PAG1: variants seen among roughly 807,000 people sequenced by gnomAD.
PAG1 encodes phosphoprotein associated with glycosphingolipid-enriched microdomains 1.
A neutral mutation model predicts 31.7 loss-of-function variants in PAG1; 23 were observed. The ratio of observed to expected loss-of-function variants is 0.73; its 90% CI spans 0.52 to 1.03. The LOEUF is 1.03. Among genes scored for constraint, PAG1 ranks in the 50% least tolerant of loss-of-function variants. The pLI is 0.00. For missense variants in PAG1, 473 were observed against 540.7 expected (o/e 0.87, Z 1.24); for synonymous variants, 214 against 210.3 (o/e 1.02, Z -0.15).
Position 80,968,479 on chromosome 8 carries a change from T to C in PAG1, c.*8065A>G, listed in dbSNP as rs1244995585. 1 of 152,236 alleles carries C rather than the reference T, an allele frequency of 6.6e-6. No homozygotes were observed. The highest frequency in any genetic ancestry group is 1.5e-5 in the Non-Finnish European group (1 of 68,034). 9.4% of individuals were successfully genotyped at this position (152,236 alleles called of 1,614,324 possible). A position where few individuals can be genotyped will look rare whatever the true frequency, so the allele number is the denominator to read the frequency against. On this transcript the variant is annotated 3_prime_UTR_variant, in exon 9 of 9. Transcript: ENST00000220597. ...ACTTGAGAATTTAATTCAATAACTC[T>C]ACACTTTTCCAATAAATAAAAAAGT...
intron 1 of PAG1, among the ~76,000 whole-genome samples, chr8:81,086,343 TTACTC>T (rs1809356626): frequency 6.6e-6 from 1 of 152,158 alleles, no homozygotes; most frequent in African/African-American, 2.4e-5. Context: ...TAATGAATAT[TTACTC>T]TAAATCAATT....
At chr8:81,007,028 A>G (rs1807891996) in intron 3 of PAG1, among the ~76,000 whole-genome samples, 1 of 152,148 alleles carries the variant, frequency 6.6e-6, no homozygotes, top group African/African-American at 2.4e-5. Context: ...AACAAATATC[A>G]CAGTATGGCT....
At chr8:81,045,022 T>C (rs972967193) in intron 2 of PAG1, among the ~76,000 whole-genome samples, 1 of 152,184 alleles carries the variant, frequency 6.6e-6, no homozygotes, top group Non-Finnish European at 1.5e-5. Context: ...ATACCTATCA[T>C]CCACTCCTAT....
intron 3 of PAG1, among the ~76,000 whole-genome samples, chr8:81,027,628 G>T (rs1023150320): frequency 6.6e-6 from 1 of 152,152 alleles, no homozygotes; most frequent in Non-Finnish European, 1.5e-5. Context: ...CCAAGAGGCC[G>T]GGCGCGGTGG....
intron 1 of PAG1, among the ~76,000 whole-genome samples, chr8:81,097,810 T>C (rs1057363890): frequency 2.6e-5 from 4 of 152,160 alleles, no homozygotes; most frequent in African/African-American, 9.7e-5. Context: ...CTCACTCCCA[T>C]GGGTAGACCT....
intron 3 of PAG1, among the ~76,000 whole-genome samples, chr8:81,013,840 A>G (rs1808026361): frequency 6.6e-6 from 1 of 152,144 alleles, no homozygotes; most frequent in Non-Finnish European, 1.5e-5. Flanking sequence ...TCAGCCTCCC[A>G]AAGTTCTGGG....
intron 3 of PAG1, among the ~76,000 whole-genome samples, chr8:80,999,734 A>C (rs1264358395): frequency 1.3e-5 from 2 of 152,212 alleles, no homozygotes; most frequent in East Asian, 3.8e-4. Flanking sequence ...TTAAACTTAC[A>C]TCACAGAAAT....
intron 2 of PAG1, among the ~76,000 whole-genome samples, chr8:81,036,008 T>G (rs2130812218): frequency 6.6e-6 from 1 of 152,330 alleles, no homozygotes; most frequent in African/African-American, 2.4e-5. Flanking sequence ...GCTGCTAAGC[T>G]TCATCTCTCC....
chr8:81,036,531 T>C (rs149186522), intron 2 of PAG1, among the ~76,000 whole-genome samples: 54 of 152,318 alleles, frequency 3.5e-4, no homozygotes, highest in African/African-American at 1.2e-3. Flanking sequence ...ATTCAGTCCA[T>C]AGTAATCATG....
Position 80,985,193 on chromosome 8 carries a change from C to T in PAG1, c.459G>A (p.Gly153=). 6.2e-7 allele frequency: 1 copy of T among 1,614,096 alleles called. No homozygotes were observed. Among genetic ancestry groups the T allele is most frequent in the Non-Finnish European group, 8.5e-7 (1 of 1,180,004 alleles). Residue 153 remains glycine, a synonymous_variant, in exon 7 of 9, where the codon GGG becomes GGA. Transcript: ENST00000220597. ...DTMLTARSVD[G]DQGLGMEGPY... is the part of the protein sequence containing the mutation. ...GCCCTTCCATCCCCAGCCCCTGGTC[C>T]CCGTCCACACTTCTCGCCGTGAGCA...
At chr8:81,074,475 T>C (rs1809145989) in intron 1 of PAG1, among the ~76,000 whole-genome samples, 1 of 152,154 alleles carries the variant, frequency 6.6e-6, no homozygotes, top group Admixed American at 6.5e-5. Flanking sequence ...TGGTGAGTAC[T>C]GGTGGGCCAC....
At chr8:80,991,419 A>G in intron 5 of PAG1, 60 bp downstream of exon 5, 1 of 1,293,356 alleles carries the variant, frequency 7.7e-7, no homozygotes. Flanking sequence ...ACACTTAGAT[A>G]AGTAGCTGAT....
At chr8:81,018,028 AT>A (rs1808101217) in intron 3 of PAG1, among the ~76,000 whole-genome samples, 1 of 152,324 alleles carries the variant, frequency 6.6e-6, no homozygotes, top group South Asian at 2.1e-4. Flanking sequence ...CTGGAAAATA[AT>A]TTCTTATAAA....
chr8:81,080,011 C>T (rs1244662687), intron 1 of PAG1, among the ~76,000 whole-genome samples: 2 of 152,022 alleles, frequency 1.3e-5, no homozygotes, highest in Non-Finnish European at 2.9e-5. Flanking sequence ...CTCAAGTGAT[C>T]CTCCCATCAA....
chr8:81,056,945 T>C (rs1294871954), intron 2 of PAG1, among the ~76,000 whole-genome samples: 1 of 152,220 alleles, frequency 6.6e-6, no homozygotes, highest in Non-Finnish European at 1.5e-5. Context: ...AAGACATTTA[T>C]GCAGCCAACA....
At chr8:81,064,370 G>C (rs567394701) in intron 2 of PAG1, among the ~76,000 whole-genome samples, 1 of 152,300 alleles carries the variant, frequency 6.6e-6, no homozygotes, top group African/African-American at 2.4e-5. Flanking sequence ...ACCTCCTGCT[G>C]TGTGGCCTGG....
chr8:81,005,037 A>T (rs1027974680), intron 3 of PAG1, among the ~76,000 whole-genome samples: 1 of 152,188 alleles, frequency 6.6e-6, no homozygotes, highest in Non-Finnish European at 1.5e-5. Context: ...AACAGAAAAT[A>T]TTCATGCAAG....
At chr8:81,086,906 A>C (rs1030228520) in intron 1 of PAG1, among the ~76,000 whole-genome samples, 3 of 152,316 alleles carry the variant, frequency 2.0e-5, no homozygotes, top group South Asian at 4.1e-4. Context: ...CATTGAAAAA[A>C]GTTTCTCATT....
intron 2 of PAG1, among the ~76,000 whole-genome samples, chr8:81,066,280 T>A (rs62517873): frequency 0.022 from 3,334 of 152,318 alleles, 48 homozygotes; most frequent in Non-Finnish European, 0.031. Flanking sequence ...GAGTAAAACT[T>A]AACGATATGC....
Sources: allele counts gnomAD v4.1 joint callset (sites outside exome capture counted in the v4.1 genomes callset), GRCh38; gene constraint gnomAD v4.1.1; transcripts MANE v1.5; gene names NCBI Gene and HGNC (gene_info 2026-07-23, HGNC 2026-07-21).